Variants in PTPRD observed in about 807,000 individuals in gnomAD.
PTPRD encodes receptor-type tyrosine-protein phosphatase delta.
Under a neutral mutation model 214.5 loss-of-function variants are expected in PTPRD, and 34 were observed. The observed-to-expected ratio is 0.16, with a 90% confidence interval of 0.12 to 0.21. The LOEUF (loss-of-function observed/expected upper bound fraction) is 0.21, where lower values mean the gene tolerates loss of function less well. Ranked by LOEUF, PTPRD falls within the 10% of genes least tolerant of loss-of-function variation. The pLI, the probability that PTPRD is intolerant of heterozygous loss-of-function variation, is 1.00. For synonymous variants in PTPRD, 1,128 were observed against 845.7 expected (o/e 1.33, Z -5.79); for missense variants, 2,545 against 2,398.7 (o/e 1.06, Z -1.27).
chr9:9,218,723 G>A (rs765950462), intron 9 of PTPRD, among the ~76,000 whole-genome samples: 4 of 152,038 alleles, frequency 2.6e-5, no homozygotes, highest in African/African-American at 9.7e-5. Context: ...TTTGTGTGTG[G>A]TAGTGTTATC....
chr9:8,321,825 G>T (rs929935030), intron 44 of PTPRD, among the ~76,000 whole-genome samples: 1 of 151,746 alleles, frequency 6.6e-6, no homozygotes, highest in Non-Finnish European at 1.5e-5. Flanking sequence ...CTGTTTTATT[G>T]TGCTATACTT....
At chr9:9,019,707 AAAC>A (rs930166808) in intron 10 of PTPRD, among the ~76,000 whole-genome samples, 10 of 152,160 alleles carry the variant, frequency 6.6e-5, no homozygotes, top group African/African-American at 2.2e-4. Context: ...CTCCGTTTCA[AAAC>A]AACAACAACA....
At chr9:9,191,273 T>G (rs2099934983) in intron 9 of PTPRD, among the ~76,000 whole-genome samples, 1 of 152,084 alleles carries the variant, frequency 6.6e-6, no homozygotes, top group African/African-American at 2.4e-5. Flanking sequence ...ACTGAAGGCT[T>G]GTCAACAATC....
intron 3 of PTPRD, among the ~76,000 whole-genome samples, chr9:10,304,414 G>C (rs1441004876): frequency 2.6e-5 from 4 of 152,242 alleles, no homozygotes; most frequent in African/African-American, 9.6e-5. Context: ...TCTGGCCGGT[G>C]AATCAGGCAG....
chr9:9,041,181 AT>A (rs200348607), intron 10 of PTPRD, among the ~76,000 whole-genome samples: 1 of 151,812 alleles, frequency 6.6e-6, no homozygotes, highest in African/African-American at 2.4e-5. Flanking sequence ...TATTAAAAAA[AT>A]ATAACTCTCA....
At chr9:9,465,754 G>C (rs2094097695) in intron 8 of PTPRD, among the ~76,000 whole-genome samples, 1 of 152,048 alleles carries the variant, frequency 6.6e-6, no homozygotes, top group African/African-American at 2.4e-5. Flanking sequence ...GTCATTTCTT[G>C]CTGGTGACAG....
chr9:9,973,143 C>G lies in PTPRD; in HGVS notation c.-471-34533G>C, dbSNP rs892375528. 2.0e-5 allele frequency among the ~76,000 whole-genome samples: 3 copies of G among 152,072 alleles called. No homozygotes were observed. In the East Asian group the frequency reaches 5.8e-4, roughly 30 times the overall value. ...CTCTCTCTCTCTCCAACAGGGTTAA[C>G]TTTTTGAACAGTAACTAAGTTAAAA... On this transcript the variant is annotated intron_variant, in intron 4 of 45. Coordinates refer to ENST00000381196, the MANE Select transcript of PTPRD (RefSeq NM_002839.4).
chr9:9,353,064 G>A (rs943270871), intron 9 of PTPRD, among the ~76,000 whole-genome samples: 2 of 151,856 alleles, frequency 1.3e-5, no homozygotes, highest in African/African-American at 2.4e-5. Context: ...GAAATCATGT[G>A]GGAGCCCTCT....
intron 36 of PTPRD, among the ~76,000 whole-genome samples, chr9:8,399,038 C>T (rs904718621): frequency 6.7e-6 from 1 of 149,638 alleles, no homozygotes; most frequent in African/African-American, 2.5e-5. Context: ...CCATTTAAAT[C>T]TGTTTTGGTG....
chr9:8,655,739 CT>C (rs150786854), intron 12 of PTPRD, among the ~76,000 whole-genome samples: 13,651 of 142,908 alleles, frequency 0.096, 693 homozygotes, highest in South Asian at 0.12. Flanking sequence ...TTCCCACTTG[CT>C]TTTTTTTTTT....
chr9:8,469,434 G>C (rs1414367539), intron 31 of PTPRD, among the ~76,000 whole-genome samples: 1 of 151,910 alleles, frequency 6.6e-6, no homozygotes, highest in African/African-American at 2.4e-5. Context: ...AGTTGCCTTT[G>C]CATTTTAAAT....
intron 3 of PTPRD, among the ~76,000 whole-genome samples, chr9:10,267,103 G>A (rs550351406): frequency 1.3e-5 from 2 of 150,726 alleles, no homozygotes; most frequent in South Asian, 4.2e-4. Flanking sequence ...AGGCAGGAGA[G>A]TCGCCTGAAC....
chr9:10,603,209 T>G (rs562025613), intron 2 of PTPRD, among the ~76,000 whole-genome samples: 57 of 151,930 alleles, frequency 3.8e-4, no homozygotes, highest in Non-Finnish European at 2.4e-4. Flanking sequence ...TTCTGACAGA[T>G]TGGAAATCCC....
intron 8 of PTPRD, among the ~76,000 whole-genome samples, chr9:9,402,991 AC>A (rs2071420130): frequency 1.4e-4 from 15 of 105,024 alleles, no homozygotes; most frequent in African/African-American, 2.8e-4. Flanking sequence ...AAAAAAAAAC[AC>A]CAAAAAAAAA....
At chr9:9,823,486 T>C (rs1225813706) in intron 5 of PTPRD, among the ~76,000 whole-genome samples, 2 of 151,978 alleles carry the variant, frequency 1.3e-5, no homozygotes, top group African/African-American at 2.4e-5. Context: ...CAATTGAACA[T>C]GAGATTTGGC....
chr9:8,659,502 C>T (rs1269938388), intron 12 of PTPRD, among the ~76,000 whole-genome samples: 5 of 152,338 alleles, frequency 3.3e-5, no homozygotes, highest in African/African-American at 9.6e-5. Flanking sequence ...AGGTTTCTAA[C>T]CCTCTCCATC....
intron 7 of PTPRD, among the ~76,000 whole-genome samples, chr9:9,596,188 C>G (rs891249955): frequency 3.3e-5 from 5 of 151,804 alleles, no homozygotes; most frequent in Non-Finnish European, 5.9e-5. Flanking sequence ...TATTTAGTCC[C>G]ATGTGTCAAA....
intron 2 of PTPRD, among the ~76,000 whole-genome samples, chr9:10,377,039 C>G (rs1445806503): frequency 1.3e-5 from 2 of 151,926 alleles, no homozygotes; most frequent in African/African-American, 4.8e-5. Flanking sequence ...CCATCCCCCC[C>G]TTCCACCCAC....
chr9:10,507,045 T>C (rs559934249), intron 2 of PTPRD, among the ~76,000 whole-genome samples: 2 of 152,060 alleles, frequency 1.3e-5, no homozygotes, highest in African/African-American at 4.8e-5. Flanking sequence ...TTTCCTGTTT[T>C]TGCCCATTCA....
Sources: allele counts gnomAD v4.1 joint callset (sites outside exome capture counted in the v4.1 genomes callset), GRCh38; gene constraint gnomAD v4.1.1; transcripts MANE v1.5; gene names NCBI Gene and HGNC (gene_info 2026-07-23, HGNC 2026-07-21).